The following PPM1D variants were observed in gnomAD, a reference collection of about 807,000 sequenced individuals.
PPM1D encodes the protein protein phosphatase 1D.
In PPM1D, 52 loss-of-function variants were observed where a neutral mutation model predicts 58.3. The observed-to-expected ratio is 0.89, with a 90% CI of 0.71 to 1.12. The LOEUF (loss-of-function observed/expected upper bound fraction) is 1.12. PPM1D is among the 50% of genes most tolerant of loss of function. PPM1D has a pLI of 0.00. For missense variants in PPM1D, 564 were observed against 777.2 expected (o/e 0.73, Z 3.26); for synonymous variants, 278 against 285.1 (o/e 0.98, Z 0.25).
chr17:60,626,219 C>T (rs1195810765), intron 2 of PPM1D, among the ~76,000 whole-genome samples: 1 of 151,824 alleles, frequency 6.6e-6, no homozygotes, highest in Non-Finnish European at 1.5e-5. Flanking sequence ...AATTGCTTGG[C>T]CAAAGAGGTG....
intron 1 of PPM1D, among the ~76,000 whole-genome samples, chr17:60,612,789 A>G (rs1401673769): frequency 5.3e-5 from 8 of 152,022 alleles, no homozygotes; most frequent in Admixed American, 5.3e-4. Context: ...CAGCATTTGG[A>G]GTCACCATTT....
intron 3 of PPM1D, among the ~76,000 whole-genome samples, chr17:60,637,621 G>T (rs1334347826): frequency 6.6e-6 from 1 of 152,126 alleles, no homozygotes. Context: ...CTTTCAATTT[G>T]GGGGAGCCAG....
intron 5 of PPM1D, among the ~76,000 whole-genome samples, chr17:60,658,254 A>G (rs1477106630): frequency 6.6e-6 from 1 of 152,198 alleles, no homozygotes; most frequent in African/African-American, 2.4e-5. Context: ...AGGGTGGGGA[A>G]TAGTGTGAGG....
chr17:60,643,234 T>C (rs2031172458), intron 3 of PPM1D, among the ~76,000 whole-genome samples: 1 of 151,674 alleles, frequency 6.6e-6, no homozygotes. Flanking sequence ...TACAAAAAAA[T>C]TAGCCTAGCA....
intron 2 of PPM1D, 28 bp downstream of exon 2, chr17:60,623,777 C>T (rs2030750857): frequency 6.2e-7 from 1 of 1,603,190 alleles, no homozygotes; most frequent in Admixed American, 1.7e-5. Context: ...TCTCTTTCCT[C>T]TTTTGGTTCT....
intron 2 of PPM1D, among the ~76,000 whole-genome samples, chr17:60,628,933 C>G (rs2030866337): frequency 6.6e-6 from 1 of 152,138 alleles, no homozygotes; most frequent in South Asian, 2.1e-4. Context: ...ATTTTAAGAT[C>G]TAAGCTATGT....
At chr17:60,634,096 G>A (rs1350045271) in intron 3 of PPM1D, 119 bp downstream of exon 3, 4 of 1,200,302 alleles carry the variant, frequency 3.3e-6, no homozygotes, top group South Asian at 2.9e-5. Context: ...GAGATATCAT[G>A]ATATTCTATT....
At position 60,634,191 on chromosome 17, in the gene PPM1D, T is replaced by A. The variant is rs113685482; in HGVS notation, c.826+214T>A. On this transcript the variant is annotated intron_variant, in intron 3 of 5. Coordinates refer to ENST00000305921, the MANE Select transcript of PPM1D (RefSeq NM_003620.4). ...TTTGGGAGGCTGAGGTGGGCGGATC[T>A]CTTGAGGTCAGGAGTTTGAGACCAG... Among the ~76,000 whole-genome samples, 20,535 of 152,046 alleles carry A rather than the reference T, an allele frequency of 0.14. 4,171 individuals are homozygous for A. The highest frequency in any genetic ancestry group is 0.44 in the African/African-American group (18,220 of 41,412).
chr17:60,661,613 C>T (rs1341571478), intron 5 of PPM1D, among the ~76,000 whole-genome samples: 2 of 152,050 alleles, frequency 1.3e-5, no homozygotes, highest in African/African-American at 4.8e-5. Flanking sequence ...TTTTTAAAAA[C>T]AATAAAGTGC....
In PPM1D at chr17:60,600,245, T is replaced by C; in HGVS notation, c.-170T>C. The C allele has an allele frequency of 1.5e-6, 2 of 1,321,644 alleles. No individual in the cohort carries two copies. The highest frequency in any genetic ancestry group is 2.0e-6 in the Non-Finnish European group (2 of 1,001,704). The allele number at this position is 1,321,644 out of a possible 1,614,324, so 81.9% of individuals were successfully genotyped here. A position where few individuals can be genotyped will look rare whatever the true frequency, so the allele number is the denominator to read the frequency against. ...GCTCGCTCCGGCGCTCCGGCCCAGC[T>C]CTCGCGGACAAGTCCAGACATCGCG... is the stretch of plus-strand genomic sequence containing the variant. On this transcript the variant is annotated 5_prime_UTR_variant, in exon 1 of 6. Coordinates refer to ENST00000305921, the MANE Select transcript of PPM1D (RefSeq NM_003620.4).
In PPM1D at chr17:60,637,014, G is replaced by C. The variant is rs149881577; in HGVS notation, c.826+3037G>C. On this transcript the variant is annotated intron_variant, in intron 3 of 5. Coordinates refer to ENST00000305921, the MANE Select transcript of PPM1D (RefSeq NM_003620.4). ...ACAGAATTTCGCTTTTATTGCCCAG[G>C]TTGGCGTGCAGTGATGTGATCTCAG... 5.0e-4 allele frequency among the ~76,000 whole-genome samples: 74 copies of C among 149,002 alleles called. 1 individual carries two copies. The highest frequency in any genetic ancestry group is 1.6e-3 in the African/African-American group (63 of 40,446).
chr17:60,646,423 A>G (rs1185344571), intron 3 of PPM1D, among the ~76,000 whole-genome samples: 2 of 152,202 alleles, frequency 1.3e-5, no homozygotes, highest in Admixed American at 6.5e-5. Context: ...TTGTTTAACA[A>G]AAAAACCAGA....
chr17:60,638,903 A>G (rs572124677), intron 3 of PPM1D, among the ~76,000 whole-genome samples: 1 of 152,282 alleles, frequency 6.6e-6, no homozygotes, highest in Admixed American at 6.5e-5. Flanking sequence ...TTACCCAAGT[A>G]CAAATGTAGC....
Position 60,600,595 on chromosome 17 carries a change from G to C in PPM1D, c.181G>C (p.Gly61Arg), listed in dbSNP as rs1381995053. 1 of 1,558,002 alleles carries C rather than the reference G, an allele frequency of 6.4e-7. No homozygotes were observed. The highest frequency in any genetic ancestry group is 8.7e-7 in the Non-Finnish European group (1 of 1,152,370). The stretch of plus-strand genomic sequence containing the variant: ...GCCGTCGCCGGCCGCCCTTCCCGGC[G>C]GCGAAGTCTCGGGGAAAGGCCCAGC... The part of the protein sequence containing the change: ...PRPSPAALPG[G>R]EVSGKGPAVA... The change falls in exon 1 of 6, where the codon GGC becomes CGC. Residue 61 changes from glycine (G) to arginine (R), a missense_variant. This residue lies in a region of PPM1D where 132 missense variants were observed against 150.4 expected (regional missense o/e 0.88). Coordinates refer to ENST00000305921, the MANE Select transcript of PPM1D (RefSeq NM_003620.4).
At chr17:60,654,692 T>C (rs556913175) in intron 4 of PPM1D, among the ~76,000 whole-genome samples, 50 of 151,018 alleles carry the variant, frequency 3.3e-4, no homozygotes, top group African/African-American at 1.1e-3. Flanking sequence ...TGAAACCCCG[T>C]CTCTACTAAA....
intron 2 of PPM1D, among the ~76,000 whole-genome samples, chr17:60,633,507 C>T (rs1351797579): frequency 6.6e-6 from 1 of 152,130 alleles, no homozygotes; most frequent in Non-Finnish European, 1.5e-5. Context: ...CTCCCGAGTT[C>T]AAGCAGTTCT....
At chr17:60,639,048 C>T (rs934092539) in intron 3 of PPM1D, among the ~76,000 whole-genome samples, 1 of 152,104 alleles carries the variant, frequency 6.6e-6, no homozygotes, top group Non-Finnish European at 1.5e-5. Context: ...TGATCTTTGC[C>T]CTCATGGAGC....
chr17:60,634,494 ATC>A (rs1287353769), intron 3 of PPM1D, among the ~76,000 whole-genome samples: 1 of 152,130 alleles, frequency 6.6e-6, no homozygotes, highest in Non-Finnish European at 1.5e-5. Flanking sequence ...GCTAATTTCT[ATC>A]TCTGTTTAGG....
At chr17:60,645,532 ATGTGTATATATATGTATATATATGTG>A (rs1184101168) in intron 3 of PPM1D, among the ~76,000 whole-genome samples, 4 of 119,390 alleles carry the variant, frequency 3.4e-5, no homozygotes, top group East Asian at 2.7e-4. Flanking sequence ...GTATATATAT[ATGTGTATATATATGTATATATATGTG>A]TGTGTATATA....
Sources: allele counts gnomAD v4.1 joint callset (sites outside exome capture counted in the v4.1 genomes callset), GRCh38; gene constraint gnomAD v4.1.1; regional missense constraint gnomAD v4.1.1; transcripts MANE v1.5; gene names NCBI Gene and HGNC (gene_info 2026-07-23, HGNC 2026-07-21).